ZFAND3: variants seen among roughly 807,000 people sequenced by gnomAD.
ZFAND3 encodes zinc finger AN1-type containing 3.
Under a neutral mutation model 29.6 loss-of-function variants are expected in ZFAND3, and 10 were observed. The ratio of observed to expected loss-of-function variants is 0.34; its 90% CI spans 0.21 to 0.57. The LOEUF (loss-of-function observed/expected upper bound fraction) is 0.57, where lower values mean the gene tolerates loss of function less well. ZFAND3 is among the 20% of genes least tolerant of loss of function. ZFAND3 has a pLI of 0.86. For missense variants in ZFAND3, 230 were observed against 304.5 expected (o/e 0.76, Z 1.82); for synonymous variants, 128 against 112.6 (o/e 1.14, Z -0.87).
At chr6:37,911,196 G>C (rs1001423361) in intron 1 of ZFAND3, among the ~76,000 whole-genome samples, 1 of 152,146 alleles carries the variant, frequency 6.6e-6, no homozygotes, top group African/African-American at 2.4e-5. Context: ...GCCAACACTT[G>C]TTGTTATCTC....
At chr6:38,012,402 G>A (rs1225702295) in intron 2 of ZFAND3, among the ~76,000 whole-genome samples, 30 of 139,392 alleles carry the variant, frequency 2.2e-4, no homozygotes, top group Middle Eastern at 7.3e-3. Context: ...TTTTTGAGTC[G>A]GAGTCGTGCA....
At chr6:37,985,527 A>ACACACACCCC (rs753070737) in intron 2 of ZFAND3, among the ~76,000 whole-genome samples, 67 of 141,760 alleles carry the variant, frequency 4.7e-4, no homozygotes, top group Middle Eastern at 3.5e-3. Flanking sequence ...ACACACACAC[A>ACACACACCCC]CCCCCACACA....
At chr6:38,043,440 A>G (rs1162412381) in intron 2 of ZFAND3, among the ~76,000 whole-genome samples, 3 of 97,722 alleles carry the variant, frequency 3.1e-5, no homozygotes, top group East Asian at 2.9e-4. Context: ...CTTCTCTCCT[A>G]TCCCCTCCCC....
At position 38,091,191 on chromosome 6, in the gene ZFAND3, A is replaced by ATG. The variant is rs572179741; in HGVS notation, c.361+8744_361+8745dup. Among the ~76,000 whole-genome samples, 41 of 152,178 alleles carry ATG rather than the reference A, an allele frequency of 2.7e-4. No homozygotes were observed. The South Asian group carries it at 8.3e-3, about 31-fold the overall frequency. ...CATGTGGCTTGTTGCTCTTTTGGAG[A>ATG]TGTGTGTGTGTAAGAAGTCCAGGCT... is the stretch of plus-strand genomic sequence containing the variant. On this transcript the variant is annotated intron_variant, in intron 4 of 5. Transcript: ENST00000287218.
At chr6:38,009,343 T>C (rs1043700829) in intron 2 of ZFAND3, among the ~76,000 whole-genome samples, 1 of 152,164 alleles carries the variant, frequency 6.6e-6, no homozygotes, top group Non-Finnish European at 1.5e-5. Flanking sequence ...CTCACTGACA[T>C]CTTGTACTTC....
chr6:38,140,523 T>G (rs186626940), intron 5 of ZFAND3, among the ~76,000 whole-genome samples: 1 of 152,272 alleles, frequency 6.6e-6, no homozygotes, highest in Non-Finnish European at 1.5e-5. Flanking sequence ...AGGGTCTTGG[T>G]CTTTTGCCCA....
At chr6:38,031,095 G>A (rs905828349) in intron 2 of ZFAND3, among the ~76,000 whole-genome samples, 2 of 152,160 alleles carry the variant, frequency 1.3e-5, no homozygotes, top group African/African-American at 2.4e-5. Flanking sequence ...TTAAGGTTAC[G>A]TAGCCAAGAT....
intron 5 of ZFAND3, among the ~76,000 whole-genome samples, chr6:38,127,373 G>A (rs1057174866): frequency 4.6e-5 from 7 of 152,220 alleles, no homozygotes; most frequent in Non-Finnish European, 8.8e-5. Flanking sequence ...GTTCTAAAGA[G>A]TTTTGCCATC....
chr6:38,086,311 G>A (rs935194936), intron 4 of ZFAND3, among the ~76,000 whole-genome samples: 3 of 152,120 alleles, frequency 2.0e-5, no homozygotes, highest in Admixed American at 6.6e-5. Context: ...TAAACAGAGA[G>A]AAATTAGATA....
At chr6:38,139,041 C>T (rs1250846728) in intron 5 of ZFAND3, among the ~76,000 whole-genome samples, 1 of 152,028 alleles carries the variant, frequency 6.6e-6, no homozygotes, top group African/African-American at 2.4e-5. Flanking sequence ...AGAGGAGAAA[C>T]CATGAAGGAT....
chr6:38,061,481 C>G, intron 2 of ZFAND3, 112 bp from the exon 3 acceptor site: 6 of 1,275,784 alleles, frequency 4.7e-6, no homozygotes, highest in Non-Finnish European at 6.4e-6. Flanking sequence ...TCACCCAGAT[C>G]AGTCTTTATT....
At chr6:37,914,202 A>G (rs2127406195) in intron 1 of ZFAND3, among the ~76,000 whole-genome samples, 1 of 152,248 alleles carries the variant, frequency 6.6e-6, no homozygotes, top group Middle Eastern at 3.4e-3. Flanking sequence ...GAGCAGCAGT[A>G]TTTTGAAAGG....
At chr6:38,099,625 T>G (rs1009177268) in intron 4 of ZFAND3, among the ~76,000 whole-genome samples, 1 of 152,228 alleles carries the variant, frequency 6.6e-6, no homozygotes, top group African/African-American at 2.4e-5. Context: ...ACTAAAAATG[T>G]ATACATATAT....
At chr6:38,146,953 T>C (rs1029417824) in intron 5 of ZFAND3, among the ~76,000 whole-genome samples, 4 of 152,210 alleles carry the variant, frequency 2.6e-5, no homozygotes, top group African/African-American at 9.7e-5. Context: ...TTTGTACAAA[T>C]GTATGGGGTA....
intron 2 of ZFAND3, among the ~76,000 whole-genome samples, chr6:37,958,369 G>A (rs996260731): frequency 1.1e-4 from 16 of 151,036 alleles, no homozygotes; most frequent in Admixed American, 5.3e-4. Flanking sequence ...CAGGAGAATC[G>A]CTTGAACCTG....
chr6:37,824,096 T>A (rs747119342), intron 1 of ZFAND3, among the ~76,000 whole-genome samples: 4 of 152,208 alleles, frequency 2.6e-5, no homozygotes, highest in Non-Finnish European at 5.9e-5. Context: ...AACGTCATAT[T>A]TTTAGGATTA....
intron 2 of ZFAND3, among the ~76,000 whole-genome samples, chr6:38,030,200 T>G (rs958059764): frequency 6.6e-6 from 1 of 151,022 alleles, no homozygotes; most frequent in African/African-American, 2.4e-5. Context: ...TTTTTTTTGT[T>G]TTGTTTTGTA....
chr6:38,049,963 TTTTTTGG>T (rs1561980846), intron 2 of ZFAND3, among the ~76,000 whole-genome samples: 1 of 8,906 alleles, frequency 1.1e-4, no homozygotes, highest in Non-Finnish European at 4.1e-4. Flanking sequence ...TTTTTTTTTT[TTTTTTGG>T]GGGAGACAGA....
At chr6:37,946,729 A>G (rs1761907692) in intron 2 of ZFAND3, among the ~76,000 whole-genome samples, 1 of 152,182 alleles carries the variant, frequency 6.6e-6, no homozygotes, top group Non-Finnish European at 1.5e-5. Context: ...TGTTTTTGCT[A>G]TAGCGTGAAT....
Sources: gnomAD v4.1 joint callset for allele counts (sites outside exome capture counted in the v4.1 genomes callset) on GRCh38, gnomAD v4.1.1 for gene constraint, MANE v1.5 for transcripts, NCBI Gene and HGNC (gene_info 2026-07-23, HGNC 2026-07-21) for gene names.